AFAP1: variants seen among roughly 807,000 people sequenced by gnomAD.
AFAP1 encodes the protein actin filament-associated protein 1.
AFAP1 carries 75 observed loss-of-function variants against 93.9 expected under a neutral mutation model. That is an observed-to-expected ratio of 0.80 (90% CI 0.66 to 0.97). The LOEUF is 0.97. AFAP1 is among the 50% of genes least tolerant of loss of function. AFAP1 has a pLI of 0.00. For synonymous variants in AFAP1, 517 were observed against 430.7 expected, an observed-to-expected ratio of 1.20 and a Z score of -2.48; for missense variants, 1,201 against 1,050.8, an observed-to-expected ratio of 1.14 and a Z score of -1.98.
chr4:7,938,553 C>T (rs1201456840), intron 1 of AFAP1, among the ~76,000 whole-genome samples: 1 of 152,096 alleles, frequency 6.6e-6, no homozygotes, highest in Non-Finnish European at 1.5e-5. Flanking sequence ...GTCTCCCCAC[C>T]CACGGACCTC....
At chr4:7,817,753 A>G (rs1720608901) in intron 7 of AFAP1, among the ~76,000 whole-genome samples, 2 of 127,200 alleles carry the variant, frequency 1.6e-5, no homozygotes, top group South Asian at 5.1e-4. Context: ...TGCTAATAAT[A>G]TAAAGGTTAA....
chr4:7,848,888 C>A (rs977326680), intron 4 of AFAP1, among the ~76,000 whole-genome samples: 1 of 152,284 alleles, frequency 6.6e-6, no homozygotes, highest in African/African-American at 2.4e-5. Context: ...CTATTTTTAA[C>A]TGTAAAATGT....
At chr4:7,911,970 G>A (rs556698376) in intron 1 of AFAP1, among the ~76,000 whole-genome samples, 1 of 152,180 alleles carries the variant, frequency 6.6e-6, no homozygotes, top group Non-Finnish European at 1.5e-5. Context: ...AGAGTTATTA[G>A]GTGGCTCTTA....
At chr4:7,842,982 G>A (rs529780509) in intron 5 of AFAP1, 157 bp downstream of exon 5, 6 of 756,974 alleles carry the variant, frequency 7.9e-6, no homozygotes, top group African/African-American at 5.3e-5. Context: ...GCATGTGGGG[G>A]CCCCTGGCAT....
chr4:7,853,423 G>C (rs1714683136), intron 4 of AFAP1, among the ~76,000 whole-genome samples: 1 of 152,180 alleles, frequency 6.6e-6, no homozygotes, highest in Non-Finnish European at 1.5e-5. Context: ...GTGGACGCGG[G>C]GACAGGGACT....
rs148324608 is a variant in AFAP1, at chr4:7,772,953, C to T, written c.2120G>A (p.Arg707Gln). Residue 707 changes from arginine (R) to glutamine (Q), a missense_variant, in exon 16 of 18, where the codon CGG becomes CAG. Arg to Gln is a conservative substitution (Grantham distance 43, BLOSUM62 1). Coordinates refer to ENST00000420658, the MANE Select transcript of AFAP1 (RefSeq NM_001134647.2). The stretch of plus-strand genomic sequence containing the variant: ...GCTGACACGCTCCGCCTCCTTCTGC[C>T]GGCACTCCTCCTCCAGCTGCTTCAG... The part of the protein sequence containing the change: ...EKLKQLEEEC[R>Q]QKEAERVSLE... 190 of 1,613,344 alleles carry T rather than the reference C, an allele frequency of 1.2e-4. No homozygotes were observed. Among genetic ancestry groups the T allele is most frequent in the Admixed American group, 2.0e-4 (12 of 59,998 alleles).
In AFAP1 at chr4:7,793,739, C is replaced by A. The variant is rs1718116377; in HGVS notation, c.1354G>T (p.Asp452Tyr). 1 of 1,579,572 alleles carries A rather than the reference C, an allele frequency of 6.3e-7. No homozygotes were observed. Among genetic ancestry groups the A allele is most frequent in the South Asian group, 1.1e-5 (1 of 87,972 alleles). The part of the protein sequence containing the change: ...SSTDPEALHY[D>Y]YIDVEMSASV... ...GCAGACATCTCCACATCAATGTAGT[C>A]ATAGTGCAGAGCCTCCGGGTCTGTG... Residue 452 changes from aspartate (D) to tyrosine (Y), a missense_variant, in exon 11 of 18, where the codon GAC (aspartate) becomes TAC (tyrosine). Coordinates refer to ENST00000420658, the MANE Select transcript of AFAP1 (RefSeq NM_001134647.2).
At chr4:7,868,806 G>A (rs902939803) in intron 2 of AFAP1, 87 bp from the exon 3 acceptor site, 2 of 1,140,034 alleles carry the variant, frequency 1.8e-6, no homozygotes, top group Non-Finnish European at 2.6e-6. Flanking sequence ...TGAACCCTGT[G>A]TTGAACACTT....
chr4:7,806,341 CAG>C (rs1719514004), intron 9 of AFAP1, among the ~76,000 whole-genome samples: 1 of 152,230 alleles, frequency 6.6e-6, no homozygotes. Context: ...CAAGCACCTG[CAG>C]AGAGCCTTCC....
chr4:7,933,193 C>T lies in AFAP1; in HGVS notation c.-3+6463G>A, dbSNP rs562077103. Among the ~76,000 whole-genome samples, 5 of 152,166 alleles carry T rather than the reference C, an allele frequency of 3.3e-5. 1 individual carries two copies. The highest frequency in any genetic ancestry group is 1.3e-4 in the Admixed American group (2 of 15,286). On this transcript the variant is annotated intron_variant, in intron 1 of 17. Coordinates refer to ENST00000420658, the MANE Select transcript of AFAP1 (RefSeq NM_001134647.2). ...CCCCGAGACCTGTGACTACGTCACACGGCATGGCCAAAGGGCTTTGCCACA... is the reference window on the plus strand; with the variant it reads ...CCCCGAGACCTGTGACTACGTCACATGGCATGGCCAAAGGGCTTTGCCACA...
intron 1 of AFAP1, among the ~76,000 whole-genome samples, chr4:7,915,239 T>A (rs1338345630): frequency 1.3e-5 from 2 of 152,236 alleles, no homozygotes; most frequent in African/African-American, 2.4e-5. Flanking sequence ...TTTCTCCATA[T>A]CCTCGCCAGC....
At chr4:7,868,833 C>G in intron 2 of AFAP1, 114 bp from the exon 3 acceptor site, 1 of 906,778 alleles carries the variant, frequency 1.1e-6, no homozygotes, top group Non-Finnish European at 1.7e-6. Flanking sequence ...TATTTATTTT[C>G]TCTAATCCTT....
chr4:7,898,978 A>AATACC (rs1718958684), intron 1 of AFAP1, among the ~76,000 whole-genome samples: 1 of 150,384 alleles, frequency 6.6e-6, no homozygotes, highest in African/African-American at 2.4e-5. Context: ...GTGTATATAC[A>AATACC]ATGGTATTGT....
At chr4:7,764,235 G>A (rs1476765836) in intron 17 of AFAP1, among the ~76,000 whole-genome samples, 1 of 152,234 alleles carries the variant, frequency 6.6e-6, no homozygotes, top group African/African-American at 2.4e-5. Flanking sequence ...GGGACCTGGA[G>A]AAGTCTAACA....
At chr4:7,922,789 C>T (rs796704251) in intron 1 of AFAP1, among the ~76,000 whole-genome samples, 72 of 152,278 alleles carry the variant, frequency 4.7e-4, no homozygotes, top group African/African-American at 1.7e-3. Context: ...TTTGAAACCA[C>T]TCTGGACAAC....
At chr4:7,925,579 G>T (rs910129303) in intron 1 of AFAP1, among the ~76,000 whole-genome samples, 3 of 152,006 alleles carry the variant, frequency 2.0e-5, no homozygotes, top group African/African-American at 7.3e-5. Flanking sequence ...AGGCGTGGTG[G>T]CTCACGCCTG....
intron 9 of AFAP1, among the ~76,000 whole-genome samples, chr4:7,801,914 C>CAAAAAAAAAAAAAAAAAAAAA (rs531684652): frequency 7.7e-5 from 5 of 65,198 alleles, no homozygotes; most frequent in African/African-American, 1.2e-4. Flanking sequence ...GACCCTATCA[C>CAAAAAAAAAAAAAAAAAAAAA]AAAAAAAAAA....
chr4:7,855,603 A>C (rs1343077758), intron 3 of AFAP1, 29 bp from the exon 4 acceptor site: 1 of 1,518,590 alleles, frequency 6.6e-7, no homozygotes. Flanking sequence ...GTGACACAGA[A>C]ATTAGCATGA....
At chr4:7,820,689 G>T (rs542171946) in intron 6 of AFAP1, among the ~76,000 whole-genome samples, 1 of 152,132 alleles carries the variant, frequency 6.6e-6, no homozygotes, top group Non-Finnish European at 1.5e-5. Context: ...AAAGGAAGGC[G>T]TTTCCAAAGT....
Sources: gnomAD v4.1 joint callset for allele counts (sites outside exome capture counted in the v4.1 genomes callset) on GRCh38, gnomAD v4.1.1 for gene constraint, MANE v1.5 for transcripts, NCBI Gene and HGNC (gene_info 2026-07-23, HGNC 2026-07-21) for gene names.